PPP2R2B: variants seen among roughly 807,000 people sequenced by gnomAD.
The protein encoded by PPP2R2B is serine/threonine-protein phosphatase 2A 55 kDa regulatory subunit B beta isoform.
Under a neutral mutation model 46.0 loss-of-function variants are expected in PPP2R2B, and 5 were observed. The observed-to-expected ratio is 0.11, with a 90% confidence interval of 0.06 to 0.23. PPP2R2B has a LOEUF of 0.23. Among genes scored for constraint, PPP2R2B ranks in the 10% least tolerant of loss-of-function variants. The probability of loss-of-function intolerance (pLI) is 1.00; values close to 1 mark genes in which losing one functional copy is unlikely to be tolerated. For synonymous variants in PPP2R2B, 215 were observed against 206.7 expected (o/e 1.04, Z -0.34); for missense variants, 367 against 575.0 (o/e 0.64, Z 3.70).
intron 1 of PPP2R2B, among the ~76,000 whole-genome samples, chr5:146,925,890 T>C (rs1343755755): frequency 6.6e-6 from 1 of 152,166 alleles, no homozygotes; most frequent in Non-Finnish European, 1.5e-5. Flanking sequence ...AGTTCACTGA[T>C]TCCTTGTCTC....
intron 2 of PPP2R2B, among the ~76,000 whole-genome samples, chr5:146,759,451 A>G (rs558362992): frequency 1.6e-3 from 239 of 152,322 alleles, no homozygotes; most frequent in Non-Finnish European, 2.8e-3. Flanking sequence ...TTAAAGGCAC[A>G]TTACTGACAT....
intron 2 of PPP2R2B, among the ~76,000 whole-genome samples, chr5:146,801,077 G>A (rs181703144): frequency 1.9e-3 from 290 of 152,170 alleles, no homozygotes; most frequent in Non-Finnish European, 3.3e-3. Flanking sequence ...TAAGTCAGAT[G>A]CAGAATGACA....
At chr5:146,626,301 A>G (rs1774063383) in intron 7 of PPP2R2B, among the ~76,000 whole-genome samples, 1 of 152,230 alleles carries the variant, frequency 6.6e-6, no homozygotes, top group South Asian at 2.1e-4. Flanking sequence ...TGGAAGATCT[A>G]TTATATATAA....
At chr5:146,668,893 G>GTTAT (rs1243200178) in intron 5 of PPP2R2B, among the ~76,000 whole-genome samples, 2 of 152,184 alleles carry the variant, frequency 1.3e-5, no homozygotes, top group Non-Finnish European at 2.9e-5. Context: ...ATGGACAGAG[G>GTTAT]TTATTGCCTT....
At chr5:146,726,530 T>A in intron 2 of PPP2R2B, among the ~76,000 whole-genome samples, 1 of 152,202 alleles carries the variant, frequency 6.6e-6, no homozygotes, top group Non-Finnish European at 1.5e-5. Context: ...ATGCATGAAC[T>A]CACTTGATCC....
intron 2 of PPP2R2B, among the ~76,000 whole-genome samples, chr5:146,734,268 G>T (rs189440728): frequency 1.5e-4 from 23 of 152,104 alleles, no homozygotes; most frequent in Non-Finnish European, 2.1e-4. Flanking sequence ...CATTGCCCAG[G>T]CTGGTCTTGA....
At chr5:146,895,011 G>C (rs542385920) in intron 1 of PPP2R2B, among the ~76,000 whole-genome samples, 1 of 152,294 alleles carries the variant, frequency 6.6e-6, no homozygotes, top group East Asian at 1.9e-4. Context: ...ATCAAATAAT[G>C]AATAAATGAG....
At chr5:146,712,679 C>T (rs1464875863) in intron 2 of PPP2R2B, among the ~76,000 whole-genome samples, 6 of 152,132 alleles carry the variant, frequency 3.9e-5, no homozygotes, top group Admixed American at 2.6e-4. Flanking sequence ...TTGGCTGATC[C>T]GGATGGCTAG....
chr5:146,588,195 G>A lies in PPP2R2B; in HGVS notation c.*1752C>T, dbSNP rs1045746187. The A allele has an allele frequency of 2.0e-5, 3 of 152,160 alleles. No individual in the cohort carries two copies. The highest frequency in any genetic ancestry group is 4.4e-5 in the Non-Finnish European group (3 of 68,030). 9.4% of individuals were successfully genotyped at this position (152,160 alleles called of 1,614,324 possible). On this transcript the variant is annotated 3_prime_UTR_variant, in exon 10 of 10. Coordinates refer to ENST00000394411, the MANE Select transcript of PPP2R2B (RefSeq NM_181675.4). ...AAATGAGAAATACTGAGAAAGTCTC[G>A]TCTTTGTTCCCATGCTCCCTCAATT...
At chr5:146,605,679 T>C (rs1772197026) in intron 7 of PPP2R2B, among the ~76,000 whole-genome samples, 1 of 152,256 alleles carries the variant, frequency 6.6e-6, no homozygotes, top group Admixed American at 6.5e-5. Context: ...CCAGGGGGCA[T>C]GACTGCCCCT....
At chr5:147,070,661 C>A (rs1485425914) in intron 2 of PPP2R2B, among the ~76,000 whole-genome samples, 1 of 152,196 alleles carries the variant, frequency 6.6e-6, no homozygotes, top group African/African-American at 2.4e-5. Context: ...CAATGACCCA[C>A]CACCCTTGGC....
chr5:146,733,063 A>T (rs576786262), intron 2 of PPP2R2B, among the ~76,000 whole-genome samples: 1 of 152,330 alleles, frequency 6.6e-6, no homozygotes, highest in South Asian at 2.1e-4. Flanking sequence ...TACAGGATAT[A>T]GGGGAGAATA....
intron 1 of PPP2R2B, among the ~76,000 whole-genome samples, chr5:147,025,699 T>C (rs1755496983): frequency 6.6e-6 from 1 of 151,994 alleles, no homozygotes. Context: ...ATCTAGAATA[T>C]ATAAAGGACT....
Position 146,878,638 on chromosome 5 carries a change from G to A in PPP2R2B, c.-172C>T, listed in dbSNP as rs1305006046. On this transcript the variant is annotated 5_prime_UTR_variant, in exon 1 of 10. Transcript: ENST00000394411. This position sits in a 1 kb window ranked among gnomAD's most constrained non-coding sequence, Gnocchi z 4.5. ...TCCCACGGGAGGGCGGCTCCGGCAG[G>A]CGGGGGTAGGGAAGCTGGCGGGGAG... The A allele has an allele frequency of 2.4e-6, 3 of 1,253,598 alleles. No individual in the cohort carries two copies. The highest frequency in any genetic ancestry group is 3.1e-5 in the African/African-American group (2 of 63,910). 77.7% of individuals were successfully genotyped at this position (1,253,598 alleles called of 1,614,324 possible).
At chr5:146,931,647 C>A (rs532732296) in intron 1 of PPP2R2B, among the ~76,000 whole-genome samples, 16 of 152,188 alleles carry the variant, frequency 1.1e-4, no homozygotes, top group Middle Eastern at 6.8e-3. Context: ...TCACTTTTAG[C>A]TTCTTATTAG....
rs187421132 is a variant in PPP2R2B, at chr5:146,728,532, T to A, written c.71-27390A>T. ...CCTGTTGGTTAATACTTTGCTCTCC[T>A]GTCTTCGTGTGGAGCAAAATAATCC... On this transcript the variant is annotated intron_variant, in intron 2 of 9. Transcript: ENST00000394411. 2.6e-5 allele frequency among the ~76,000 whole-genome samples: 4 copies of A among 152,286 alleles called. No homozygotes were observed. The East Asian group carries it at 7.7e-4, about 29-fold the overall frequency.
chr5:146,796,141 T>C (rs181521938), intron 2 of PPP2R2B, among the ~76,000 whole-genome samples: 5 of 152,286 alleles, frequency 3.3e-5, no homozygotes, highest in African/African-American at 4.8e-5. Flanking sequence ...AAAAATGTCA[T>C]TGCAATGATA....
At chr5:146,694,505 C>T (rs1320445893) in intron 4 of PPP2R2B, among the ~76,000 whole-genome samples, 2 of 152,042 alleles carry the variant, frequency 1.3e-5, no homozygotes, top group African/African-American at 2.4e-5. Context: ...AATTGCTATA[C>T]AGAGAAACAG....
chr5:146,823,841 GTTTGCCTCATTTCAAGTTAA>G (rs1758415144), intron 2 of PPP2R2B, among the ~76,000 whole-genome samples: 1 of 152,094 alleles, frequency 6.6e-6, no homozygotes, highest in Non-Finnish European at 1.5e-5. Flanking sequence ...AGAAGTCCCT[GTTTGCCTCATTTCAAGTTAA>G]TTTGAAAAAG....
Sources: gnomAD v4.1 joint callset for allele counts (sites outside exome capture counted in the v4.1 genomes callset) on GRCh38, gnomAD v4.1.1 for gene constraint, Gnocchi (gnomAD v3.1) non-coding constraint, MANE v1.5 for transcripts, NCBI Gene and HGNC (gene_info 2026-07-23, HGNC 2026-07-21) for gene names.